The following B4GALT5 variants were observed in gnomAD, a reference collection of about 807,000 sequenced individuals.
B4GALT5 encodes the protein beta-1,4-galactosyltransferase 5, also known as UDP-Gal:beta-GlcNAc beta-1,4-galactosyltransferase 5.
In B4GALT5, 11 loss-of-function variants were observed where a neutral mutation model predicts 45.0. The observed-to-expected ratio is 0.24, with a 90% CI of 0.15 to 0.40. The LOEUF (loss-of-function observed/expected upper bound fraction) is 0.40, where lower values mean the gene tolerates loss of function less well. B4GALT5 is among the 10% of genes least tolerant of loss of function. B4GALT5 has a pLI of 1.00. For synonymous variants in B4GALT5, 185 were observed against 182.9 expected (o/e 1.01, Z -0.09); for missense variants, 337 against 500.2 (o/e 0.67, Z 3.11).
At chr20:49,688,806 G>A (rs906317149) in intron 1 of B4GALT5, among the ~76,000 whole-genome samples, 20 of 151,886 alleles carry the variant, frequency 1.3e-4, no homozygotes, top group African/African-American at 4.1e-4. Flanking sequence ...GCTTGGTGGC[G>A]CGTGCCTGTA....
chr20:49,677,960 C>G (rs563980939), intron 1 of B4GALT5, among the ~76,000 whole-genome samples: 197 of 152,324 alleles, frequency 1.3e-3, no homozygotes, highest in African/African-American at 4.5e-3. Flanking sequence ...GTTGGTCAGG[C>G]TGGTCTCGAA....
intron 3 of B4GALT5, among the ~76,000 whole-genome samples, chr20:49,644,065 T>C (rs1353359239): frequency 1.3e-5 from 2 of 151,444 alleles, no homozygotes; most frequent in African/African-American, 4.9e-5. Flanking sequence ...GTAGCTGCGG[T>C]TACAGGCATA....
chr20:49,644,831 C>T (rs1291041549), intron 3 of B4GALT5, among the ~76,000 whole-genome samples: 1 of 152,092 alleles, frequency 6.6e-6, no homozygotes, highest in African/African-American at 2.4e-5. Flanking sequence ...CCATGCACGA[C>T]TATTTCTAAC....
At chr20:49,674,081 CAAAAAAAAAAAAAAAA>C (rs34718276) in intron 1 of B4GALT5, among the ~76,000 whole-genome samples, 1 of 94,536 alleles carries the variant, frequency 1.1e-5, no homozygotes, top group East Asian at 3.2e-4. Flanking sequence ...ATTAAAAATA[CAAAAAAAAAAAAAAAA>C]AAAAAAAAAT....
chr20:49,656,752 T>TA, intron 1 of B4GALT5, 50 bp from the exon 2 acceptor site: 3 of 1,611,056 alleles, frequency 1.9e-6, no homozygotes, highest in Non-Finnish European at 2.5e-6. Flanking sequence ...AGCAATCATT[T>TA]AAAAAAACAT....
In B4GALT5 at chr20:49,654,551, G is replaced by A. The variant is rs146800486; in HGVS notation, c.250+2017C>T. On this transcript the variant is annotated intron_variant, in intron 2 of 8. Transcript: ENST00000371711. The stretch of plus-strand genomic sequence containing the variant: ...ACAGTCCTCTGTTGCTAAAGTGGAC[G>A]GCAAAGGAAACTGATAAATTAGGAT... 6.6e-5 allele frequency among the ~76,000 whole-genome samples: 10 copies of A among 152,292 alleles called. No individual in the cohort carries two copies. The East Asian group carries it at 1.3e-3, about 21-fold the overall frequency.
intron 1 of B4GALT5, among the ~76,000 whole-genome samples, chr20:49,678,147 G>A (rs1372118859): frequency 2.0e-5 from 3 of 152,228 alleles, no homozygotes; most frequent in African/African-American, 4.8e-5. Flanking sequence ...CACAGCAAAT[G>A]GCAGGGTAGA....
chr20:49,671,023 T>C (rs929194534), intron 1 of B4GALT5, among the ~76,000 whole-genome samples: 8 of 152,194 alleles, frequency 5.3e-5, no homozygotes, highest in South Asian at 2.1e-4. Context: ...AATCAGACCA[T>C]GACTAACTCA....
At chr20:49,656,526 A>G in intron 2 of B4GALT5, 42 bp downstream of exon 2, 1 of 1,608,452 alleles carries the variant, frequency 6.2e-7, no homozygotes, top group Non-Finnish European at 8.5e-7. Flanking sequence ...CTCTCTTGGG[A>G]GGAGACATTC....
chr20:49,699,383 A>C (rs926133845), intron 1 of B4GALT5, among the ~76,000 whole-genome samples: 3 of 151,660 alleles, frequency 2.0e-5, no homozygotes, highest in Admixed American at 1.3e-4. Flanking sequence ...AAAAAAAAAA[A>C]AAAAAACCCC....
At chr20:49,642,664 T>C in intron 4 of B4GALT5, 80 bp from the exon 5 acceptor site, 1 of 947,430 alleles carries the variant, frequency 1.1e-6, no homozygotes, top group Non-Finnish European at 1.7e-6. Context: ...GATGAATTGC[T>C]GACCAACCCA....
At chr20:49,695,590 T>C (rs1162652412) in intron 1 of B4GALT5, among the ~76,000 whole-genome samples, 1 of 152,180 alleles carries the variant, frequency 6.6e-6, no homozygotes, top group Non-Finnish European at 1.5e-5. Flanking sequence ...TTTGTATTTT[T>C]AGTAGAGATG....
intron 1 of B4GALT5, among the ~76,000 whole-genome samples, chr20:49,676,940 C>T (rs1484416039): frequency 6.6e-6 from 1 of 152,214 alleles, no homozygotes; most frequent in Non-Finnish European, 1.5e-5. Context: ...CCTATGTAAT[C>T]ATTCCAAAAT....
At chr20:49,665,240 T>C (rs1385616407) in intron 1 of B4GALT5, among the ~76,000 whole-genome samples, 1 of 151,638 alleles carries the variant, frequency 6.6e-6, no homozygotes, top group Non-Finnish European at 1.5e-5. Flanking sequence ...CTGTTCCTAG[T>C]GAGGCTCTGT....
chr20:49,637,315 A>G, intron 8 of B4GALT5, 26 bp downstream of exon 8: 1 of 1,577,606 alleles, frequency 6.3e-7, no homozygotes, highest in South Asian at 1.1e-5. Flanking sequence ...GGATACTTCT[A>G]AGAGACAGAG....
At chr20:49,675,650 T>C (rs377575010) in intron 1 of B4GALT5, among the ~76,000 whole-genome samples, 54 of 152,212 alleles carry the variant, frequency 3.5e-4, no homozygotes, top group African/African-American at 1.2e-3. Flanking sequence ...CAAGCAAATA[T>C]CATATCTTTG....
intron 1 of B4GALT5, among the ~76,000 whole-genome samples, chr20:49,669,492 T>C (rs1601259588): frequency 6.6e-6 from 1 of 151,806 alleles, no homozygotes; most frequent in African/African-American, 2.4e-5. Context: ...AGGTCAGGAG[T>C]TCGCAACCAA....
Position 49,672,681 on chromosome 20 carries a change from C to G in B4GALT5, c.116-15979G>C, listed in dbSNP as rs529746303. 1.2e-4 allele frequency among the ~76,000 whole-genome samples: 18 copies of G among 152,198 alleles called. No individual in the cohort carries two copies. The South Asian group carries it at 3.7e-3, about 32-fold the overall frequency. ...AGGGCCAACCTACTCTACAAAGGCA[C>G]GTTGGAAGAGCATGATTGATGGAAA... On this transcript the variant is annotated intron_variant, in intron 1 of 8. Coordinates refer to ENST00000371711, the MANE Select transcript of B4GALT5 (RefSeq NM_004776.4).
intron 1 of B4GALT5, among the ~76,000 whole-genome samples, chr20:49,663,107 A>G (rs1037131229): frequency 6.6e-6 from 1 of 152,270 alleles, no homozygotes; most frequent in African/African-American, 2.4e-5. Flanking sequence ...AGCCAGACAC[A>G]AAAGAACACA....
Sources: gnomAD v4.1 joint callset for allele counts (sites outside exome capture counted in the v4.1 genomes callset) on GRCh38, gnomAD v4.1.1 for gene constraint, MANE v1.5 for transcripts, NCBI Gene and HGNC (gene_info 2026-07-23, HGNC 2026-07-21) for gene names.